The following NXN variants were observed in gnomAD, a reference collection of about 807,000 sequenced individuals.
NXN encodes nucleoredoxin.
A neutral mutation model predicts 48.6 loss-of-function variants in NXN; 16 were observed. The observed-to-expected ratio is 0.33, with a 90% CI of 0.22 to 0.50. The LOEUF is 0.50. Among genes scored for constraint, NXN ranks in the 20% least tolerant of loss-of-function variants. The pLI is 0.98. For missense variants in NXN, 492 were observed against 605.5 expected, an observed-to-expected ratio of 0.81 and a Z score of 1.97; for synonymous variants, 281 against 269.6, an observed-to-expected ratio of 1.04 and a Z score of -0.41.
chr17:876,096 G>A (rs1484091908), intron 1 of NXN, among the ~76,000 whole-genome samples: 3 of 151,890 alleles, frequency 2.0e-5, no homozygotes, highest in African/African-American at 2.4e-5. Context: ...CTGGAGAATC[G>A]CTTGAACCTG....
intron 4 of NXN, among the ~76,000 whole-genome samples, chr17:820,529 G>A (rs1192373293): frequency 6.9e-6 from 1 of 144,366 alleles, no homozygotes; most frequent in Non-Finnish European, 1.5e-5. Context: ...GGAGAATGAC[G>A]TGAACCCAGG....
chr17:825,797 AG>A lies in NXN; in HGVS notation c.478+163del. 1 of 600,316 alleles carries A rather than the reference AG, an allele frequency of 1.7e-6. No individual in the cohort carries two copies. 37.2% of individuals were successfully genotyped at this position (600,316 alleles called of 1,614,324 possible). ...TGTGAAAATCTTAAAACCATGTCCT[AG>A]GGAATACTATGATTTCACCAAGACG... On this transcript the variant is annotated intron_variant, in intron 2 of 7. Transcript: ENST00000336868. The surrounding 1 kb of genome is among the most constrained non-coding windows in gnomAD (Gnocchi z 4.1).
chr17:972,047 G>A (rs1192654968), intron 1 of NXN, among the ~76,000 whole-genome samples: 2 of 151,938 alleles, frequency 1.3e-5, no homozygotes, highest in Admixed American at 1.3e-4. Context: ...ACACCCGTAA[G>A]CCCAGCACTT....
At position 800,868 on chromosome 17, in the gene NXN, G is replaced by A. The variant is rs1464100967; in HGVS notation, c.*81C>T. 1 of 1,025,138 alleles carries A rather than the reference G, an allele frequency of 9.8e-7. No homozygotes were observed. Among genetic ancestry groups the A allele is most frequent in the Non-Finnish European group, 1.3e-6 (1 of 763,264 alleles). The allele number at this position is 1,025,138 out of a possible 1,614,324, so 63.5% of individuals were successfully genotyped here. On this transcript the variant is annotated 3_prime_UTR_variant, in exon 8 of 8. Coordinates refer to ENST00000336868, the MANE Select transcript of NXN (RefSeq NM_022463.5). Reference sequence around the variant, plus strand: ...GGGTGGTGGGATTCGGGGCACGCTGGGTAAGTCCAAGGGCGGAAGGAAGGA... The same window carrying A: ...GGGTGGTGGGATTCGGGGCACGCTGAGTAAGTCCAAGGGCGGAAGGAAGGA...
rs2068869862 is a variant in NXN at position 932,936 on chromosome 17, C to CCA, written c.360+46382_360+46383insTG. Among the ~76,000 whole-genome samples, 2 of 140,546 alleles carry CCA rather than the reference C, an allele frequency of 1.4e-5. No individual in the cohort carries two copies. Among genetic ancestry groups the CCA allele is most frequent in the East Asian group, 2.3e-4 (1 of 4,344 alleles). The allele number at this position is 140,546 out of a possible 152,430, so 92.2% of individuals were successfully genotyped here. On this transcript the variant is annotated intron_variant, in intron 1 of 7. Transcript: ENST00000336868. The surrounding 1 kb of genome is among the most constrained non-coding windows in gnomAD (Gnocchi z 4.1). ...GTACTGGGATTCCAGGCGTGAGCCA[C>CCA]CGCGCCCAGCCCAGCCCGTCCTCTT...
chr17:909,098 C>CA lies in NXN; in HGVS notation c.360+70220dup, dbSNP rs59822805. On this transcript the variant is annotated intron_variant, in intron 1 of 7. Coordinates refer to ENST00000336868, the MANE Select transcript of NXN (RefSeq NM_022463.5). ...TGGGCGACAGAGTGAGACTTCGTCTCAAAAAAAAAAAAAAAAAAAAAAAAA... is the reference window on the plus strand; with the variant it reads ...TGGGCGACAGAGTGAGACTTCGTCTCAAAAAAAAAAAAAAAAAAAAAAAAAA... Among the ~76,000 whole-genome samples the CA allele has an allele frequency of 3.9e-3, 453 of 117,310 alleles. 39 individuals carry two copies. Among genetic ancestry groups the CA allele is most frequent in the Non-Finnish European group, 5.5e-3 (312 of 56,926 alleles). The allele number at this position is 117,310 out of a possible 152,430, so 77.0% of individuals were successfully genotyped here.
intron 1 of NXN, among the ~76,000 whole-genome samples, chr17:903,086 C>T (rs566615154): frequency 1.3e-5 from 2 of 152,200 alleles, no homozygotes; most frequent in African/African-American, 4.8e-5. Context: ...CCCATCATTT[C>T]ATCGACCACC....
chr17:819,349 C>G (rs1567816442), intron 5 of NXN, 90 bp downstream of exon 5: 2 of 854,160 alleles, frequency 2.3e-6, no homozygotes, highest in Non-Finnish European at 4.0e-6. Context: ...AATAATGATG[C>G]TCTTCTTCTT....
At chr17:935,449 C>T (rs1342754647) in intron 1 of NXN, among the ~76,000 whole-genome samples, 4 of 152,088 alleles carry the variant, frequency 2.6e-5, no homozygotes, top group South Asian at 4.2e-4. Context: ...GGCTTCCGCT[C>T]GGTCATGGCC....
chr17:974,329 T>C (rs957557984), intron 1 of NXN, among the ~76,000 whole-genome samples: 5 of 151,718 alleles, frequency 3.3e-5, no homozygotes, highest in Non-Finnish European at 7.4e-5. Flanking sequence ...CCAGCCTGGG[T>C]GACAGAGCGA....
At chr17:869,360 T>A (rs2144802145) in intron 1 of NXN, among the ~76,000 whole-genome samples, 1 of 152,212 alleles carries the variant, frequency 6.6e-6, no homozygotes, top group Non-Finnish European at 1.5e-5. Context: ...GCTCATGCTC[T>A]CTGATCCAGG....
At chr17:815,429 C>T (rs909549171) in intron 5 of NXN, among the ~76,000 whole-genome samples, 3 of 151,236 alleles carry the variant, frequency 2.0e-5, no homozygotes, top group African/African-American at 4.9e-5. Context: ...AGTGTCCACT[C>T]TAGATCCCTA....
rs536581580 is a variant in NXN at position 925,445 on chromosome 17, A to G, written c.360+53874T>C. Among the ~76,000 whole-genome samples the G allele has an allele frequency of 2.9e-4, 44 of 152,202 alleles. 1 individual carries two copies. In the East Asian group the frequency reaches 8.1e-3, roughly 28 times the overall value. On this transcript the variant is annotated intron_variant, in intron 1 of 7. Transcript: ENST00000336868. ...CTCTTATCACCCAGGCTGTAATGCA[A>G]TGGCGCGATCTCAGCTCACTGCAAC...
intron 1 of NXN, among the ~76,000 whole-genome samples, chr17:848,341 T>C (rs2067887686): frequency 6.6e-6 from 1 of 152,210 alleles, no homozygotes; most frequent in Admixed American, 6.5e-5. Flanking sequence ...GGTTTCACCA[T>C]GTTGGCCAGG....
rs2069193989 is a variant in NXN, at chr17:958,277, G to A, written c.360+21042C>T. Reference sequence around the variant, plus strand: ...TGCCTCTGCCCAACAAGACATGACGGTGAGCAAGGTTACTCATCTTCCGAA... The same window carrying A: ...TGCCTCTGCCCAACAAGACATGACGATGAGCAAGGTTACTCATCTTCCGAA... On this transcript the variant is annotated intron_variant, in intron 1 of 7. Coordinates refer to ENST00000336868, the MANE Select transcript of NXN (RefSeq NM_022463.5). The surrounding 1 kb of genome is among the most constrained non-coding windows in gnomAD (Gnocchi z 6.9). Among the ~76,000 whole-genome samples, 1 of 152,138 alleles carries A rather than the reference G, an allele frequency of 6.6e-6. No homozygotes were observed. The highest frequency in any genetic ancestry group is 1.9e-4 in the East Asian group (1 of 5,196).
At chr17:801,211 G>C in intron 7 of NXN, 80 bp from the exon 8 acceptor site, 2 of 1,183,638 alleles carry the variant, frequency 1.7e-6, no homozygotes, top group Non-Finnish European at 2.2e-6. Context: ...AGTCTCCCCA[G>C]GTGTGGTAGC....
chr17:822,424 C>T lies in NXN; in HGVS notation c.646G>A (p.Val216Met). 6.2e-7 allele frequency: 1 copy of T among 1,614,072 alleles called. No homozygotes were observed. ...PPCRSLTRVL[V>M]ESYRKIKEAG... The stretch of plus-strand genomic sequence containing the variant: ...TCCTTGATCTTCCGGTAGGATTCCA[C>T]CAGGACCCGGGTGAGGCTTCGGCAG... Residue 216 changes from valine to methionine, a missense_variant, in exon 4 of 8, where the codon GTG (valine) becomes ATG (methionine). Physicochemically the swap from Val to Met is conservative, Grantham distance 21. Coordinates refer to ENST00000336868, the MANE Select transcript of NXN (RefSeq NM_022463.5).
chr17:918,345 G>C (rs886728480), intron 1 of NXN, among the ~76,000 whole-genome samples: 3 of 152,166 alleles, frequency 2.0e-5, no homozygotes, highest in Non-Finnish European at 4.4e-5. Flanking sequence ...AAGGAAATGG[G>C]AGGAGCGCAC....
intron 1 of NXN, among the ~76,000 whole-genome samples, chr17:975,529 G>T (rs1408338341): frequency 6.6e-6 from 1 of 152,128 alleles, no homozygotes; most frequent in East Asian, 1.9e-4. Flanking sequence ...TCCCCTGGCT[G>T]GAGCAGGCTG....
Sources: allele counts gnomAD v4.1 joint callset (sites outside exome capture counted in the v4.1 genomes callset), GRCh38; gene constraint gnomAD v4.1.1; non-coding constraint Gnocchi (gnomAD v3.1); transcripts MANE v1.5; gene names NCBI Gene and HGNC (gene_info 2026-07-23, HGNC 2026-07-21).